SEMA5A: variants seen among roughly 807,000 people sequenced by gnomAD.
The protein encoded by SEMA5A is semaphorin 5A, also known as semaphorin-5A.
Under a neutral mutation model 135.5 loss-of-function variants are expected in SEMA5A, and 55 were observed. The ratio of observed to expected loss-of-function variants is 0.41; its 90% CI spans 0.33 to 0.51. The LOEUF (loss-of-function observed/expected upper bound fraction) is 0.51, where lower values mean the gene tolerates loss of function less well. Ranked by LOEUF, SEMA5A falls within the 20% of genes least tolerant of loss-of-function variation. The pLI, the probability that SEMA5A is intolerant of heterozygous loss-of-function variation, is 0.37. For synonymous variants in SEMA5A, 580 were observed against 546.5 expected, an observed-to-expected ratio of 1.06 and a Z score of -0.85; for missense variants, 1,290 against 1,419.9, an observed-to-expected ratio of 0.91 and a Z score of 1.47.
rs1182270955 is a variant in SEMA5A, at chr5:9,042,568, A to G, written c.*329T>C. ...GAAGATTTACACTCCAAAGTTCTAAAGAAAGACTCCTTCCAATGTGGGTGG... is the reference window on the plus strand; with the variant it reads ...GAAGATTTACACTCCAAAGTTCTAAGGAAAGACTCCTTCCAATGTGGGTGG... On this transcript the variant is annotated 3_prime_UTR_variant, in exon 23 of 23. Coordinates refer to ENST00000382496, the MANE Select transcript of SEMA5A (RefSeq NM_003966.3). 3.4e-6 allele frequency: 1 copy of G among 291,946 alleles called. No homozygotes were observed. Among genetic ancestry groups the G allele is most frequent in the Non-Finnish European group, 6.4e-6 (1 of 155,602 alleles). 18.1% of individuals were successfully genotyped at this position (291,946 alleles called of 1,614,324 possible). A position where few individuals can be genotyped will look rare whatever the true frequency, so the allele number is the denominator to read the frequency against.
intron 5 of SEMA5A, among the ~76,000 whole-genome samples, chr5:9,294,629 T>C (rs1007610392): frequency 6.6e-5 from 10 of 152,170 alleles, no homozygotes; most frequent in Non-Finnish European, 1.5e-5. Context: ...CCACTCAGAA[T>C]CCAAACACAA....
intron 11 of SEMA5A, among the ~76,000 whole-genome samples, chr5:9,165,856 C>T (rs939968256): frequency 1.3e-5 from 2 of 152,096 alleles, no homozygotes; most frequent in African/African-American, 4.8e-5. Context: ...CAGCAGACAG[C>T]TAATATGTTA....
At chr5:9,182,158 C>T (rs557390336) in intron 11 of SEMA5A, among the ~76,000 whole-genome samples, 1 of 141,302 alleles carries the variant, frequency 7.1e-6, no homozygotes, top group Non-Finnish European at 1.5e-5. Context: ...TGCCCCCCAC[C>T]CCAAAAAAAA....
At position 9,237,099 on chromosome 5, in the gene SEMA5A, C is replaced by T. The variant is rs528751797; in HGVS notation, c.333+729G>A. 8.5e-5 allele frequency among the ~76,000 whole-genome samples: 13 copies of T among 152,222 alleles called. No homozygotes were observed. The South Asian group carries it at 1.9e-3, about 22-fold the overall frequency. On this transcript the variant is annotated intron_variant, in intron 6 of 22. Coordinates refer to ENST00000382496, the MANE Select transcript of SEMA5A (RefSeq NM_003966.3). ...CTTCTGTAACCCAAAGCATAATTCA[C>T]CATTGGAAGTCTGTGCTCCAATATA...
chr5:9,370,387 G>C (rs557176309), intron 3 of SEMA5A, among the ~76,000 whole-genome samples: 6 of 152,178 alleles, frequency 3.9e-5, no homozygotes, highest in Non-Finnish European at 8.8e-5. Context: ...GGGGATTAGA[G>C]GAATCCATTC....
intron 5 of SEMA5A, among the ~76,000 whole-genome samples, chr5:9,267,668 C>T (rs1579750419): frequency 6.6e-6 from 1 of 152,118 alleles, no homozygotes; most frequent in Non-Finnish European, 1.5e-5. Flanking sequence ...CTTCACTCTT[C>T]TTTCTGATTA....
Position 9,278,517 on chromosome 5 carries a change from C to G in SEMA5A, c.270+39855G>C, listed in dbSNP as rs568437093. On this transcript the variant is annotated intron_variant, in intron 5 of 22. Coordinates refer to ENST00000382496, the MANE Select transcript of SEMA5A (RefSeq NM_003966.3). ...TGCAGAAATGTGCATAAGTAAAGAA[C>G]AGCTAAATGTTAATCACCAAGGCAA... 3.3e-5 allele frequency among the ~76,000 whole-genome samples: 5 copies of G among 152,270 alleles called. No homozygotes were observed. The South Asian group carries it at 1.0e-3, about 32-fold the overall frequency.
At chr5:9,217,066 T>G (rs1332852402) in intron 8 of SEMA5A, among the ~76,000 whole-genome samples, 1 of 152,150 alleles carries the variant, frequency 6.6e-6, no homozygotes, top group Non-Finnish European at 1.5e-5. Flanking sequence ...TGTGGTTGCT[T>G]TATGGTGACA....
chr5:9,362,030 C>T (rs1754720088), intron 3 of SEMA5A, among the ~76,000 whole-genome samples: 1 of 152,216 alleles, frequency 6.6e-6, no homozygotes, highest in African/African-American at 2.4e-5. Context: ...AGAAAGCAGG[C>T]TTGAGGCCCC....
At chr5:9,332,443 T>C (rs1001746874) in intron 4 of SEMA5A, among the ~76,000 whole-genome samples, 1 of 151,488 alleles carries the variant, frequency 6.6e-6, no homozygotes, top group South Asian at 2.1e-4. Flanking sequence ...AGTACTCACA[T>C]TGGGTCAGGT....
intron 12 of SEMA5A, among the ~76,000 whole-genome samples, chr5:9,152,839 A>T (rs1742703918): frequency 6.6e-6 from 1 of 152,224 alleles, no homozygotes; most frequent in South Asian, 2.1e-4. Context: ...TGGGAGACAG[A>T]GGCAGGTGGA....
intron 1 of SEMA5A, among the ~76,000 whole-genome samples, chr5:9,504,049 T>C (rs1204999152): frequency 6.6e-6 from 1 of 151,532 alleles, no homozygotes; most frequent in Non-Finnish European, 1.5e-5. Flanking sequence ...ACCCTGTCTC[T>C]AATAAAAATA....
At chr5:9,353,317 A>ATGAAAGTAAATGAAAGGAAAGGAAAG (rs1261140956) in intron 3 of SEMA5A, among the ~76,000 whole-genome samples, 1 of 53,472 alleles carries the variant, frequency 1.9e-5, no homozygotes, top group Non-Finnish European at 3.9e-5. Context: ...GGGAAGGGAA[A>ATGAAAGTAAATGAAAGGAAAGGAAAG]GGAAGGAAAG....
At chr5:9,522,524 C>G (rs466667) in intron 1 of SEMA5A, among the ~76,000 whole-genome samples, 48,545 of 151,898 alleles carry the variant, frequency 0.32, 8,058 homozygotes, top group African/African-American at 0.4. Flanking sequence ...TTGTGGTGAG[C>G]CGAGATTGCG....
chr5:9,414,759 C>T (rs562790869), intron 2 of SEMA5A, among the ~76,000 whole-genome samples: 2 of 152,016 alleles, frequency 1.3e-5, no homozygotes, highest in African/African-American at 4.8e-5. Flanking sequence ...TTTGAGTTGG[C>T]AAAAATGGGA....
At chr5:9,251,878 C>T (rs1164507657) in intron 5 of SEMA5A, among the ~76,000 whole-genome samples, 3 of 152,300 alleles carry the variant, frequency 2.0e-5, no homozygotes, top group Admixed American at 1.3e-4. Flanking sequence ...TCCCAACAAT[C>T]TAGGGTATAG....
At chr5:9,469,026 T>G (rs1254238180) in intron 1 of SEMA5A, among the ~76,000 whole-genome samples, 1 of 152,170 alleles carries the variant, frequency 6.6e-6, no homozygotes, top group African/African-American at 2.4e-5. Context: ...GTTTTGTTTT[T>G]GAGATGAAGT....
chr5:9,367,733 C>T (rs1754976849), intron 3 of SEMA5A, among the ~76,000 whole-genome samples: 1 of 152,194 alleles, frequency 6.6e-6, no homozygotes, highest in Non-Finnish European at 1.5e-5. Flanking sequence ...CTCCAAATCT[C>T]ATGTTGGCAT....
chr5:9,213,368 T>C (rs1746445108), intron 8 of SEMA5A, among the ~76,000 whole-genome samples: 1 of 152,134 alleles, frequency 6.6e-6, no homozygotes, highest in Non-Finnish European at 1.5e-5. Context: ...GGAACTTTCA[T>C]TGTAGTGGTG....
Sources: gnomAD v4.1 joint callset for allele counts (sites outside exome capture counted in the v4.1 genomes callset) on GRCh38, gnomAD v4.1.1 for gene constraint, MANE v1.5 for transcripts, NCBI Gene and HGNC (gene_info 2026-07-23, HGNC 2026-07-21) for gene names.